PPP1R8: variants seen among roughly 807,000 people sequenced by gnomAD.
The protein encoded by PPP1R8 is protein phosphatase 1 regulatory subunit 8.
PPP1R8 carries 4 observed loss-of-function variants against 31.3 expected under a neutral mutation model. The ratio of observed to expected loss-of-function variants is 0.13; its 90% CI spans 0.06 to 0.29. The LOEUF (loss-of-function observed/expected upper bound fraction) is 0.29. Ranked by LOEUF, PPP1R8 falls within the 10% of genes least tolerant of loss-of-function variation. The pLI is 1.00. For missense variants in PPP1R8, 254 were observed against 440.1 expected (o/e 0.58, Z 3.78); for synonymous variants, 170 against 169.7 (o/e 1.00, Z -0.01).
chr1:27,844,470 G>A (rs1488789638), intron 5 of PPP1R8, among the ~76,000 whole-genome samples: 1 of 151,734 alleles, frequency 6.6e-6, no homozygotes, highest in Non-Finnish European at 1.5e-5. Flanking sequence ...TGGAATTATA[G>A]GCTTCTGCCA....
chr1:27,844,194 G>C (rs1006967803), intron 5 of PPP1R8, among the ~76,000 whole-genome samples: 7 of 152,090 alleles, frequency 4.6e-5, no homozygotes, highest in Non-Finnish European at 1.0e-4. Context: ...GTAGAAATGG[G>C]GTTTCATCAT....
intron 5 of PPP1R8, among the ~76,000 whole-genome samples, chr1:27,844,160 G>A (rs1253437050): frequency 6.6e-6 from 1 of 151,936 alleles, no homozygotes; most frequent in Non-Finnish European, 1.5e-5. Flanking sequence ...ACGTCACCAC[G>A]CTCAGCTAAT....
At chr1:27,836,077 T>G (rs1258201299) in intron 2 of PPP1R8, among the ~76,000 whole-genome samples, 2 of 152,226 alleles carry the variant, frequency 1.3e-5, no homozygotes, top group Admixed American at 6.5e-5. Flanking sequence ...AAATATAAGC[T>G]TCTTGATTCC....
At chr1:27,846,008 T>C (rs1320316555) in intron 5 of PPP1R8, among the ~76,000 whole-genome samples, 1 of 152,004 alleles carries the variant, frequency 6.6e-6, no homozygotes, top group Admixed American at 6.6e-5. Flanking sequence ...GCCAGGATGG[T>C]TTCGACCTCC....
At chr1:27,833,849 A>C (rs1240071215) in intron 2 of PPP1R8, among the ~76,000 whole-genome samples, 6 of 152,230 alleles carry the variant, frequency 3.9e-5, no homozygotes, top group Non-Finnish European at 8.8e-5. Flanking sequence ...AGAGATAACC[A>C]GGTATTTTGC....
Position 27,850,583 on chromosome 1 carries a change from T to C in PPP1R8, c.*137T>C, listed in dbSNP as rs558576836. On this transcript the variant is annotated 3_prime_UTR_variant, in exon 7 of 7. Coordinates refer to ENST00000311772, the MANE Select transcript of PPP1R8 (RefSeq NM_014110.5). ...AATGTCTCCTGGCATCCTAACCATGTAATATGACAATTGGGGGTGGGGTTG... is the reference window on the plus strand; with the variant it reads ...AATGTCTCCTGGCATCCTAACCATGCAATATGACAATTGGGGGTGGGGTTG... The C allele has an allele frequency of 7.7e-6, 6 of 779,800 alleles. No homozygotes were observed. In the East Asian group the frequency reaches 1.6e-4, roughly 21 times the overall value. The allele number at this position is 779,800 out of a possible 1,614,324, so 48.3% of individuals were successfully genotyped here.
intron 6 of PPP1R8, among the ~76,000 whole-genome samples, chr1:27,848,172 G>A (rs144991112): frequency 2.6e-5 from 4 of 152,168 alleles, no homozygotes; most frequent in Non-Finnish European, 5.9e-5. Flanking sequence ...GGAGGCCGAG[G>A]TGGGCAGATT....
chr1:27,843,303 A>G lies in PPP1R8; in HGVS notation c.610A>G (p.Ser204Gly), dbSNP rs1424109800. The change falls in exon 5 of 7, where the codon AGT becomes GGT. Residue 204 changes from serine to glycine, a missense_variant. Physicochemically the swap from Ser to Gly is moderately conservative, Grantham distance 56. This residue lies in a region of PPP1R8 where 29 missense variants were observed against 99.2 expected (regional missense o/e 0.29). Transcript: ENST00000311772. Reference sequence around the variant, plus strand: ...GAGGAAGAACTCACGGGTGACATTCAGTGAGGATGATGAGATCATCAACCC... The same window carrying G: ...GAGGAAGAACTCACGGGTGACATTCGGTGAGGATGATGAGATCATCAACCC... ...RKRKNSRVTFSEDDEIINPED... is the reference protein window; with the variant it reads ...RKRKNSRVTFGEDDEIINPED... The G allele has an allele frequency of 4.3e-6, 7 of 1,614,208 alleles. No individual in the cohort carries two copies. The highest frequency in any genetic ancestry group is 5.9e-6 in the Non-Finnish European group (7 of 1,180,026).
At position 27,830,841 on chromosome 1, in the gene PPP1R8, G is replaced by T. The variant is rs1571541607; in HGVS notation, c.6G>T (p.Ala2=). 13 of 1,576,412 alleles carry T rather than the reference G, an allele frequency of 8.2e-6. No individual in the cohort carries two copies. The highest frequency in any genetic ancestry group is 1.1e-5 in the Non-Finnish European group (13 of 1,162,182). Residue 2 remains alanine, a synonymous_variant, in exon 1 of 7, where the codon GCG becomes GCT. Transcript: ENST00000311772. M[A]AAANSGSSLP... ...ATGGGAGGGGGAGACGCAAGATGGC[G>T]GCAGCCGCGAACTCCGGCTCTAGCC...
chr1:27,830,905 C>A lies in PPP1R8; in HGVS notation c.56+14C>A. On this transcript the variant is annotated intron_variant, in intron 1 of 6. Coordinates refer to ENST00000311772, the MANE Select transcript of PPP1R8 (RefSeq NM_014110.5). ...CTGCCCAACCTGGTGAGTGGCGGGG[C>A]GGCCAGGGCTAGAGTGGCCCGGCCG... is the stretch of plus-strand genomic sequence containing the variant. The A allele has an allele frequency of 6.4e-7, 1 of 1,560,706 alleles. No homozygotes were observed. Among genetic ancestry groups the A allele is most frequent in the South Asian group, 1.2e-5 (1 of 84,646 alleles).
At position 27,850,330 on chromosome 1, in the gene PPP1R8, A is replaced by C. The variant is rs888834456; in HGVS notation, c.940A>C (p.Asn314His). 7 of 1,614,224 alleles carry C rather than the reference A, an allele frequency of 4.3e-6. No individual in the cohort carries two copies. Among genetic ancestry groups the C allele is most frequent in the Non-Finnish European group, 5.9e-6 (7 of 1,180,040 alleles). ...TGTTGTGCCGTCAGCAGTGAACATG[A>C]ACCCTGCACCAAACCCTGCAGTCTA... is the stretch of plus-strand genomic sequence containing the variant. The part of the protein sequence containing the change: ...TPVVPSAVNM[N>H]PAPNPAVYNP... The change falls in exon 7 of 7, where the codon AAC (asparagine) becomes CAC (histidine). Residue 314 changes from asparagine to histidine, a missense_variant. Physicochemically the swap from Asn to His is moderately conservative, Grantham distance 68. This residue lies in a region of PPP1R8 where 105 missense variants were observed against 128.0 expected (regional missense o/e 0.82). Transcript: ENST00000311772.
chr1:27,843,131 C>T, intron 4 of PPP1R8, 55 bp from the exon 5 acceptor site: 1 of 1,600,092 alleles, frequency 6.2e-7, no homozygotes, highest in Non-Finnish European at 8.5e-7. Flanking sequence ...ATGATTTTCT[C>T]CATCAGATTC....
intron 2 of PPP1R8, chr1:27,834,544 A>G: frequency 3.9e-6 from 2 of 518,626 alleles, no homozygotes; most frequent in South Asian, 1.4e-5. Context: ...ATACACTCTG[A>G]GTTATAACTC....
rs1214918376 is a variant in PPP1R8, at chr1:27,830,907, G to T, written c.56+16G>T. 6.4e-7 allele frequency: 1 copy of T among 1,560,054 alleles called. No homozygotes were observed. Among genetic ancestry groups the T allele is most frequent in the Non-Finnish European group, 8.7e-7 (1 of 1,152,950 alleles). ...GCCCAACCTGGTGAGTGGCGGGGCG[G>T]CCAGGGCTAGAGTGGCCCGGCCGGA... On this transcript the variant is annotated intron_variant, in intron 1 of 6. Transcript: ENST00000311772.
At chr1:27,840,738 G>A (rs1358471950) in intron 3 of PPP1R8, among the ~76,000 whole-genome samples, 2 of 152,148 alleles carry the variant, frequency 1.3e-5, no homozygotes, top group African/African-American at 2.4e-5. Flanking sequence ...GAAACCCACC[G>A]AGGAGATTCA....
chr1:27,844,963 G>A (rs1311435150), intron 5 of PPP1R8, among the ~76,000 whole-genome samples: 1 of 121,670 alleles, frequency 8.2e-6, no homozygotes, highest in African/African-American at 3.2e-5. Context: ...TCGATCTCCT[G>A]ACCTCGTGAT....
Position 27,844,843 on chromosome 1 carries a change from G to A in PPP1R8, c.637+1513G>A, listed in dbSNP as rs1396840437. Reference sequence around the variant, plus strand: ...CGCCATTTTCCTGCCTCAGCCTCCCGAGTAGCTGGGACTACAGGCGCCCGC... The same window carrying A: ...CGCCATTTTCCTGCCTCAGCCTCCCAAGTAGCTGGGACTACAGGCGCCCGC... On this transcript the variant is annotated intron_variant, in intron 5 of 6. Transcript: ENST00000311772. 1.5e-3 allele frequency among the ~76,000 whole-genome samples: 204 copies of A among 132,930 alleles called. 1 individual carries two copies. Among genetic ancestry groups the A allele is most frequent in the African/African-American group, 5.3e-3 (187 of 35,070 alleles). The allele number at this position is 132,930 out of a possible 152,430, so 87.2% of individuals were successfully genotyped here. A position where few individuals can be genotyped will look rare whatever the true frequency, so the allele number is the denominator to read the frequency against.
chr1:27,845,024 T>C (rs1423531664), intron 5 of PPP1R8, among the ~76,000 whole-genome samples: 1 of 137,746 alleles, frequency 7.3e-6, no homozygotes, highest in African/African-American at 2.7e-5. Flanking sequence ...TGAGCCACCA[T>C]GCCCGGCCTG....
Position 27,838,794 on chromosome 1 carries a change from T to C in PPP1R8, c.213T>C (p.His71=). ...TIDHQSCSRV[H]AALVYHKHLK... is the part of the protein sequence containing the mutation. ...ACCACCAGTCTTGCTCTCGGGTCCA[T>C]GCTGCACTTGTCTACCACAAGCATC... Residue 71 remains histidine (H), a synonymous_variant, in exon 3 of 7, where the codon CAT becomes CAC. Coordinates refer to ENST00000311772, the MANE Select transcript of PPP1R8 (RefSeq NM_014110.5). The C allele has an allele frequency of 6.2e-7, 1 of 1,612,878 alleles. No individual in the cohort carries two copies. The highest frequency in any genetic ancestry group is 8.5e-7 in the Non-Finnish European group (1 of 1,179,480).
Sources: gnomAD v4.1 joint callset for allele counts (sites outside exome capture counted in the v4.1 genomes callset) on GRCh38, gnomAD v4.1.1 for gene constraint, gnomAD v4.1.1 regional missense constraint, MANE v1.5 for transcripts, NCBI Gene and HGNC (gene_info 2026-07-23, HGNC 2026-07-21) for gene names.